Variants in SATB2 observed in about 807,000 individuals in gnomAD.
The protein encoded by SATB2 is DNA-binding protein SATB2.
In SATB2, 1 loss-of-function variant was observed where a neutral mutation model predicts 73.4. The ratio of observed to expected loss-of-function variants is 0.01; its 90% CI spans 0.00 to 0.06. The LOEUF is 0.06. Among genes scored for constraint, SATB2 ranks in the 10% least tolerant of loss-of-function variants. The probability of loss-of-function intolerance (pLI) is 1.00; values close to 1 mark genes in which losing one functional copy is unlikely to be tolerated. For synonymous variants in SATB2, 397 were observed against 367.0 expected, an observed-to-expected ratio of 1.08 and a Z score of -0.93; for missense variants, 459 against 945.8, an observed-to-expected ratio of 0.49 and a Z score of 6.75.
At chr2:199,314,910 A>G (rs1687689371) in intron 9 of SATB2, among the ~76,000 whole-genome samples, 1 of 152,046 alleles carries the variant, frequency 6.6e-6, no homozygotes. Flanking sequence ...TTCCTTTTTA[A>G]GAAGAAGTTG....
At chr2:199,328,497 T>C (rs545592198) in intron 8 of SATB2, among the ~76,000 whole-genome samples, 2 of 152,070 alleles carry the variant, frequency 1.3e-5, no homozygotes, top group African/African-American at 4.8e-5. Flanking sequence ...GCCGAGATCA[T>C]GCTACTGCAC....
At chr2:199,431,826 C>G (rs984315809) in intron 3 of SATB2, among the ~76,000 whole-genome samples, 2 of 152,194 alleles carry the variant, frequency 1.3e-5, no homozygotes, top group African/African-American at 4.8e-5. Context: ...ATGGCCCTGT[C>G]AAACAGGAAG....
chr2:199,367,117 A>G (rs1689309032), intron 6 of SATB2, among the ~76,000 whole-genome samples: 1 of 152,194 alleles, frequency 6.6e-6, no homozygotes, highest in South Asian at 2.1e-4. Context: ...GCCGAAGAGG[A>G]TATGTCAAAG....
At chr2:199,280,573 C>T (rs1386420254) in intron 10 of SATB2, among the ~76,000 whole-genome samples, 2 of 152,120 alleles carry the variant, frequency 1.3e-5, no homozygotes, top group Non-Finnish European at 2.9e-5. Context: ...GAGAATGTGT[C>T]CCTGAGGGTA....
chr2:199,397,080 A>T (rs936598580), intron 3 of SATB2: 9 of 152,228 alleles, frequency 5.9e-5, no homozygotes, highest in African/African-American at 2.2e-4. Flanking sequence ...AATTAAAAAA[A>T]AAAAAAGTCA....
At chr2:199,280,810 C>A (rs1692466018) in intron 10 of SATB2, among the ~76,000 whole-genome samples, 1 of 152,160 alleles carries the variant, frequency 6.6e-6, no homozygotes, top group East Asian at 1.9e-4. Flanking sequence ...TAATTTCGCC[C>A]CTGTCCTGTG....
chr2:199,379,074 A>G (rs1417294785), intron 5 of SATB2, among the ~76,000 whole-genome samples: 1 of 152,224 alleles, frequency 6.6e-6, no homozygotes, highest in Non-Finnish European at 1.5e-5. Flanking sequence ...CACACCAGGA[A>G]ACAGATTTCC....
At position 199,270,046 on chromosome 2, in the gene SATB2, C is replaced by T. The variant is rs1445316290; in HGVS notation, c.*2165G>A. The T allele has an allele frequency of 6.5e-6, 1 of 152,682 alleles. No individual in the cohort carries two copies. Among genetic ancestry groups the T allele is most frequent in the Non-Finnish European group, 1.5e-5 (1 of 68,026 alleles). 9.5% of individuals were successfully genotyped at this position (152,682 alleles called of 1,614,324 possible). A position where few individuals can be genotyped will look rare whatever the true frequency, so the allele number is the denominator to read the frequency against. On this transcript the variant is annotated 3_prime_UTR_variant, in exon 11 of 11. Transcript: ENST00000417098. The stretch of plus-strand genomic sequence containing the variant: ...TCCATTACGTGTACAGAGTGACCTT[C>T]AGCAACAGTGTAAGAAGACAATTTG...
At chr2:199,276,056 G>T (rs926381446) in intron 10 of SATB2, among the ~76,000 whole-genome samples, 7 of 152,156 alleles carry the variant, frequency 4.6e-5, no homozygotes, top group Admixed American at 1.3e-4. Flanking sequence ...CCTAGCAAAA[G>T]AACAACATAA....
At chr2:199,290,091 T>C (rs1244494852) in intron 10 of SATB2, among the ~76,000 whole-genome samples, 1 of 152,172 alleles carries the variant, frequency 6.6e-6, no homozygotes, top group African/African-American at 2.4e-5. Flanking sequence ...AGCCCCTGCC[T>C]TGCAGGCTGT....
rs1057216256 is a variant in SATB2, at chr2:199,457,057, G to A, written c.-60+282C>T. 4.6e-5 allele frequency among the ~76,000 whole-genome samples: 7 copies of A among 152,088 alleles called. No individual in the cohort carries two copies. The highest frequency in any genetic ancestry group is 1.4e-4 in the African/African-American group (6 of 41,438). On this transcript the variant is annotated intron_variant, in intron 1 of 10. Transcript: ENST00000417098. The surrounding 1 kb of genome is among the most constrained non-coding windows in gnomAD (Gnocchi z 4.8). The stretch of plus-strand genomic sequence containing the variant: ...TGACACCCGCAAGAAGCAAGACCCC[G>A]GCACCGTACTGCGTGCGCGCTGGGA...
chr2:199,451,877 A>T (rs537969214), intron 2 of SATB2, among the ~76,000 whole-genome samples: 1 of 152,194 alleles, frequency 6.6e-6, no homozygotes, highest in African/African-American at 2.4e-5. Context: ...CCTTGCAACA[A>T]GACAGTTATG....
At chr2:199,370,613 T>C (rs1434777754) in intron 5 of SATB2, among the ~76,000 whole-genome samples, 3 of 152,090 alleles carry the variant, frequency 2.0e-5, no homozygotes, top group African/African-American at 7.2e-5. Flanking sequence ...CCTCAATTCT[T>C]CCTGGCCCAT....
At chr2:199,278,155 G>A (rs1270888311) in intron 10 of SATB2, among the ~76,000 whole-genome samples, 1 of 152,188 alleles carries the variant, frequency 6.6e-6, no homozygotes, top group African/African-American at 2.4e-5. Flanking sequence ...CCCTACAGAG[G>A]CAGCATTGGA....
chr2:199,466,933 A>G (rs1692605274), upstream of SATB2, among the ~76,000 whole-genome samples: 1 of 152,260 alleles, frequency 6.6e-6, no homozygotes, highest in Admixed American at 6.5e-5. Context: ...TAGCAGGTTT[A>G]ATTAAGACAG....
intron 5 of SATB2, among the ~76,000 whole-genome samples, chr2:199,378,175 C>T (rs1336287920): frequency 6.6e-6 from 1 of 152,166 alleles, no homozygotes; most frequent in African/African-American, 2.4e-5. Flanking sequence ...CATGTTGCCT[C>T]TCTAGTCATA....
intron 3 of SATB2, among the ~76,000 whole-genome samples, chr2:199,409,650 G>GTTTTTTTTTTT (rs5837680): frequency 6.8e-6 from 1 of 146,566 alleles, no homozygotes. Flanking sequence ...ACCAAGACAA[G>GTTTTTTTTTTT]TTTTTTTTGT....
chr2:199,296,370 C>T (rs1239558642), intron 10 of SATB2, among the ~76,000 whole-genome samples: 1 of 152,088 alleles, frequency 6.6e-6, no homozygotes, highest in Admixed American at 6.6e-5. Flanking sequence ...CTGCAATCAC[C>T]TAATTCATGT....
At chr2:199,441,593 A>T (rs947607250) in intron 2 of SATB2, among the ~76,000 whole-genome samples, 5 of 152,174 alleles carry the variant, frequency 3.3e-5, no homozygotes, top group African/African-American at 9.6e-5. Context: ...TTAACTTTGG[A>T]CAATAAGAAC....
Sources: gnomAD v4.1 joint callset for allele counts (sites outside exome capture counted in the v4.1 genomes callset) on GRCh38, gnomAD v4.1.1 for gene constraint, Gnocchi (gnomAD v3.1) non-coding constraint, MANE v1.5 for transcripts, NCBI Gene and HGNC (gene_info 2026-07-23, HGNC 2026-07-21) for gene names.